The following P3H2 variants were observed in gnomAD, a reference collection of about 807,000 sequenced individuals.
P3H2 encodes the protein leprecan-like 1.
Under a neutral mutation model 87.0 loss-of-function variants are expected in P3H2, and 80 were observed. The observed-to-expected ratio is 0.92, with a 90% confidence interval of 0.77 to 1.11. P3H2 has a LOEUF of 1.11. P3H2 is among the 50% of genes least tolerant of loss of function. The probability of loss-of-function intolerance (pLI) is 0.00; values close to 1 mark genes in which losing one functional copy is unlikely to be tolerated. For synonymous variants in P3H2, 367 were observed against 359.3 expected, an observed-to-expected ratio of 1.02 and a Z score of -0.24; for missense variants, 1,001 against 923.9, an observed-to-expected ratio of 1.08 and a Z score of -1.08.
chr3:190,051,168 C>T lies in P3H2; in HGVS notation c.481-55726G>A, dbSNP rs890594495. Among the ~76,000 whole-genome samples, 7 of 151,988 alleles carry T rather than the reference C, an allele frequency of 4.6e-5. No individual in the cohort carries two copies. In the South Asian group the frequency reaches 1.0e-3, roughly 22 times the overall value. On this transcript the variant is annotated intron_variant, in intron 1 of 14. Transcript: ENST00000319332. Reference sequence around the variant, plus strand: ...AGGACAATGCTAATGCCATTTGATGCGGGTACAGGTTAGGATTTAAAGGAA... The same window carrying T: ...AGGACAATGCTAATGCCATTTGATGTGGGTACAGGTTAGGATTTAAAGGAA...
chr3:189,989,023 A>G lies in P3H2; in HGVS notation c.839T>C (p.Val280Ala). 6.2e-7 allele frequency: 1 copy of G among 1,614,102 alleles called. No individual in the cohort carries two copies. The highest frequency in any genetic ancestry group is 8.5e-7 in the Non-Finnish European group (1 of 1,180,020). ...YEAIADHYMQ[V>A]LVCQHECVRE... ...CACACATTCATGCTGACAAACAAGC[A>G]CCTGCATGTAGTGATCTGGAAGACA... The change falls in exon 4 of 15, where the codon GTG becomes GCG. Residue 280 changes from valine (V) to alanine (A), a missense_variant. Transcript: ENST00000319332.
intron 1 of P3H2, among the ~76,000 whole-genome samples, chr3:189,996,547 A>G (rs1724057606): frequency 6.6e-6 from 1 of 152,236 alleles, no homozygotes; most frequent in Non-Finnish European, 1.5e-5. Context: ...TCTATTGCAC[A>G]GTAGGATAAC....
At chr3:190,089,059 T>C (rs1727320024) in intron 1 of P3H2, among the ~76,000 whole-genome samples, 1 of 152,232 alleles carries the variant, frequency 6.6e-6, no homozygotes, top group Non-Finnish European at 1.5e-5. Flanking sequence ...AGCTCCACAC[T>C]GACACCATAT....
intron 1 of P3H2, among the ~76,000 whole-genome samples, chr3:190,095,142 G>A (rs1275542394): frequency 6.6e-6 from 1 of 151,294 alleles, no homozygotes; most frequent in East Asian, 1.9e-4. Context: ...ACTTTTAGAA[G>A]TTGCTCATTG....
chr3:189,999,908 C>T (rs796656206), intron 1 of P3H2, among the ~76,000 whole-genome samples: 1 of 152,210 alleles, frequency 6.6e-6, no homozygotes, highest in African/African-American at 2.4e-5. Context: ...AGCATGACTA[C>T]GTGGTAGTCA....
chr3:190,032,708 T>G (rs1195984215), intron 1 of P3H2, among the ~76,000 whole-genome samples: 1 of 152,154 alleles, frequency 6.6e-6, no homozygotes, highest in African/African-American at 2.4e-5. Context: ...TGTCACCCTA[T>G]GACAGAGTCA....
At chr3:189,976,068 C>T (rs188267837) in intron 8 of P3H2, among the ~76,000 whole-genome samples, 119 of 129,060 alleles carry the variant, frequency 9.2e-4, no homozygotes, top group African/African-American at 2.9e-3. Context: ...GAATGGTTAA[C>T]GTTATTTTTC....
intron 3 of P3H2, among the ~76,000 whole-genome samples, chr3:189,989,627 C>T (rs1299954403): frequency 1.3e-5 from 2 of 152,094 alleles, no homozygotes; most frequent in Non-Finnish European, 2.9e-5. Flanking sequence ...CCTATTCTAT[C>T]CAGTTATAAA....
intron 4 of P3H2, chr3:189,987,870 T>C: frequency 1.6e-6 from 1 of 607,856 alleles, no homozygotes; most frequent in Non-Finnish European, 2.9e-6. Context: ...TTATTACCTT[T>C]GGTCTGCTTT....
At chr3:189,978,494 T>C (rs183646873) in intron 8 of P3H2, among the ~76,000 whole-genome samples, 149 of 152,306 alleles carry the variant, frequency 9.8e-4, no homozygotes, top group Admixed American at 9.7e-3. Flanking sequence ...ACAAGTAACA[T>C]GCAAAGATCA....
At chr3:190,081,689 C>T (rs750395162) in intron 1 of P3H2, among the ~76,000 whole-genome samples, 1 of 152,054 alleles carries the variant, frequency 6.6e-6, no homozygotes, top group Non-Finnish European at 1.5e-5. Flanking sequence ...GCTAGCCCTG[C>T]ATATTACTGT....
chr3:190,016,295 G>C (rs1724751623), intron 1 of P3H2, among the ~76,000 whole-genome samples: 1 of 152,192 alleles, frequency 6.6e-6, no homozygotes, highest in South Asian at 2.1e-4. Context: ...CCAGGCTGGA[G>C]TACAATGGTG....
intron 1 of P3H2, among the ~76,000 whole-genome samples, chr3:190,011,954 T>C (rs1724602417): frequency 6.6e-6 from 1 of 152,230 alleles, no homozygotes. Flanking sequence ...AATAATTGAC[T>C]ACTTCTAATT....
rs532388111 is a variant in P3H2, at chr3:190,023,498, G to A, written c.481-28056C>T. On this transcript the variant is annotated intron_variant, in intron 1 of 14. Transcript: ENST00000319332. The stretch of plus-strand genomic sequence containing the variant: ...CGAGGCGGCAGGAAGGAGAAGTGCC[G>A]AGTGAAGCGGGTAGAGCCCCTTATA... Among the ~76,000 whole-genome samples the A allele has an allele frequency of 2.5e-3, 384 of 152,280 alleles. 3 individuals carry two copies. Among genetic ancestry groups the A allele is most frequent in the African/African-American group, 8.9e-3 (370 of 41,570 alleles).
At chr3:189,969,833 A>G (rs1359702773) in intron 13 of P3H2, 2 of 1,564,166 alleles carry the variant, frequency 1.3e-6, no homozygotes, top group Non-Finnish European at 1.8e-6. Flanking sequence ...TCCAATCTTC[A>G]TGGCAGTGGT....
At chr3:189,977,574 T>C (rs771762331) in intron 8 of P3H2, among the ~76,000 whole-genome samples, 1 of 152,192 alleles carries the variant, frequency 6.6e-6, no homozygotes, top group Non-Finnish European at 1.5e-5. Context: ...ATATTTTCAT[T>C]ATGTTTTCAC....
chr3:189,987,946 A>C (rs1230400671), intron 4 of P3H2, among the ~76,000 whole-genome samples: 1 of 152,202 alleles, frequency 6.6e-6, no homozygotes, highest in African/African-American at 2.4e-5. Flanking sequence ...AACTTTTATT[A>C]TTTAACACAT....
intron 1 of P3H2, among the ~76,000 whole-genome samples, chr3:190,092,794 AG>A (rs150754308): frequency 0.036 from 5,475 of 152,326 alleles, 296 homozygotes; most frequent in African/African-American, 0.12. Flanking sequence ...GAAGGGGCAA[AG>A]GAAAATAATA....
intron 1 of P3H2, among the ~76,000 whole-genome samples, chr3:190,067,627 C>T (rs140569730): frequency 1.2e-4 from 19 of 152,260 alleles, no homozygotes; most frequent in African/African-American, 4.3e-4. Context: ...TCCCCTCCAG[C>T]CATAAAATTC....
Sources: gnomAD v4.1 joint callset for allele counts (sites outside exome capture counted in the v4.1 genomes callset) on GRCh38, gnomAD v4.1.1 for gene constraint, MANE v1.5 for transcripts, NCBI Gene and HGNC (gene_info 2026-07-23, HGNC 2026-07-21) for gene names.